MOBP: variants seen among roughly 807,000 people sequenced by gnomAD.
MOBP encodes the protein myelin associated oligodendrocyte basic protein.
A neutral mutation model predicts 15.0 loss-of-function variants in MOBP; 5 were observed. The observed-to-expected ratio is 0.33, with a 90% CI of 0.17 to 0.70. The LOEUF is 0.70. Ranked by LOEUF, MOBP falls within the 30% of genes least tolerant of loss-of-function variation. The probability of loss-of-function intolerance (pLI) is 0.67; values close to 1 mark genes in which losing one functional copy is unlikely to be tolerated. For synonymous variants in MOBP, 88 were observed against 99.0 expected, an observed-to-expected ratio of 0.89 and a Z score of 0.66; for missense variants, 188 against 257.8, an observed-to-expected ratio of 0.73 and a Z score of 1.85.
In MOBP at chr3:39,502,893, C is replaced by A; in HGVS notation, c.*13C>A. 4 of 1,114,712 alleles carry A rather than the reference C, an allele frequency of 3.6e-6. No homozygotes were observed. The highest frequency in any genetic ancestry group is 5.0e-6 in the Non-Finnish European group (4 of 796,540). 69.1% of individuals were successfully genotyped at this position (1,114,712 alleles called of 1,614,324 possible). Reference sequence around the variant, plus strand: ...TAGGTTCTGGTAACACCATCTCTTCCCTTTTGTTCCCCAGCCCTAAGGTTA... The same window carrying A: ...TAGGTTCTGGTAACACCATCTCTTCACTTTTGTTCCCCAGCCCTAAGGTTA... On this transcript the variant is annotated 3_prime_UTR_variant, in exon 4 of 4. Coordinates refer to ENST00000684792, the MANE Select transcript of MOBP (RefSeq NM_001393704.1). The surrounding 1 kb of genome is among the most constrained non-coding windows in gnomAD (Gnocchi z 6.3).
At position 39,521,315 on chromosome 3, in the gene MOBP, T is replaced by C. The variant is rs144535585; in HGVS notation, c.*259-2928T>C. Among the ~76,000 whole-genome samples, 308 of 152,342 alleles carry C rather than the reference T, an allele frequency of 2.0e-3. 1 individual carries two copies. The highest frequency in any genetic ancestry group is 7.0e-3 in the African/African-American group (291 of 41,572). On this transcript the variant is annotated intron_variant and NMD_transcript_variant, in intron 3 of 4. Transcript: ENST00000424090. The stretch of plus-strand genomic sequence containing the variant: ...ATAGAACTAATTTAGAACAATGTTA[T>C]ATAGTGACTTTCTCATACAGGGAAT...
At chr3:39,522,734 T>C (rs1379882759) in intron 3 of MOBP, among the ~76,000 whole-genome samples, 7 of 152,236 alleles carry the variant, frequency 4.6e-5, no homozygotes, top group Non-Finnish European at 7.3e-5. Flanking sequence ...CAGTATCAAC[T>C]TTTACACAAA....
intron 1 of MOBP, among the ~76,000 whole-genome samples, chr3:39,468,786 ATG>A (rs201842900): frequency 2.0e-4 from 10 of 50,840 alleles, no homozygotes; most frequent in South Asian, 1.8e-3. Context: ...ACATATATAC[ATG>A]TGTGTGTATA....
intron 2 of MOBP, among the ~76,000 whole-genome samples, chr3:39,484,989 A>G (rs1007871011): frequency 3.3e-5 from 5 of 152,236 alleles, no homozygotes; most frequent in African/African-American, 7.2e-5. Flanking sequence ...TGGGCCTTCA[A>G]AATAATTAAG....
intron 3 of MOBP, among the ~76,000 whole-genome samples, chr3:39,522,154 A>T (rs886689198): frequency 6.6e-6 from 1 of 152,182 alleles, no homozygotes; most frequent in Non-Finnish European, 1.5e-5. Context: ...TTTGAAGGTT[A>T]TTACTTGTGT....
At chr3:39,473,945 G>T (rs2042505388) in intron 1 of MOBP, among the ~76,000 whole-genome samples, 1 of 152,128 alleles carries the variant, frequency 6.6e-6, no homozygotes. Context: ...TGTATTCTTG[G>T]GCAGGTGTTA....
chr3:39,498,868 G>C (rs116261196), intron 2 of MOBP, among the ~76,000 whole-genome samples: 2 of 152,040 alleles, frequency 1.3e-5, no homozygotes, highest in Non-Finnish European at 2.9e-5. Context: ...TGACTGGGCG[G>C]GGGTGCAGAT....
chr3:39,468,785 C>G (rs59253281), intron 1 of MOBP, among the ~76,000 whole-genome samples: 9,393 of 50,568 alleles, frequency 0.19, 2,810 homozygotes, highest in African/African-American at 0.68. Flanking sequence ...TACATATATA[C>G]ATGTGTGTGT....
At chr3:39,523,459 T>C (rs2043294203) in intron 3 of MOBP, among the ~76,000 whole-genome samples, 1 of 152,244 alleles carries the variant, frequency 6.6e-6, no homozygotes, top group Admixed American at 6.5e-5. Context: ...AGAATTGCAT[T>C]GGATCTGGAG....
rs954102337 is a variant in MOBP at position 39,502,856 on chromosome 3, C to A, written c.528C>A (p.Pro176=). The A allele has an allele frequency of 1.4e-6, 2 of 1,417,640 alleles. No homozygotes were observed. The highest frequency in any genetic ancestry group is 2.2e-5 in the Admixed American group (1 of 46,036). The allele number at this position is 1,417,640 out of a possible 1,614,324, so 87.8% of individuals were successfully genotyped here. ...RGPGASRGGS[P]VKASRFW is the part of the protein sequence containing the mutation. ...CAGGCGCCAGCCGTGGGGGGTCCCC[C>A]GTCAAAGCTTCTAGGTTCTGGTAAC... The change falls in exon 4 of 4, where the codon CCC becomes CCA. Residue 176 remains proline, a synonymous_variant. Coordinates refer to ENST00000684792, the MANE Select transcript of MOBP (RefSeq NM_001393704.1). The surrounding 1 kb of genome is among the most constrained non-coding windows in gnomAD (Gnocchi z 6.3).
chr3:39,512,277 G>A (rs2043129587), intron 4 of MOBP, among the ~76,000 whole-genome samples: 1 of 152,176 alleles, frequency 6.6e-6, no homozygotes. Flanking sequence ...TGCTGAGGGT[G>A]ATGCCTGGGA....
Position 39,502,353 on chromosome 3 carries a change from G to C in MOBP, c.206+78G>C. ...GCTCCCAGCACGCCCCTCCCGCTCC[G>C]CACCCCACTCTTCCCCCTAGTCGGC... On this transcript the variant is annotated intron_variant, in intron 3 of 3. Coordinates refer to ENST00000684792, the MANE Select transcript of MOBP (RefSeq NM_001393704.1). The surrounding 1 kb of genome is among the most constrained non-coding windows in gnomAD (Gnocchi z 6.3). The C allele has an allele frequency of 1.3e-6, 2 of 1,590,736 alleles. No homozygotes were observed. Among genetic ancestry groups the C allele is most frequent in the Admixed American group, 1.8e-5 (1 of 56,742 alleles).
At chr3:39,527,496 A>G (rs1199635573), downstream of MOBP, 2 of 147,804 alleles carry the variant, frequency 1.4e-5, no homozygotes, top group South Asian at 2.1e-4. Flanking sequence ...CTGGAGTGCA[A>G]TGGCACGCAA....
downstream of MOBP, among the ~76,000 whole-genome samples, chr3:39,505,590 C>A (rs2043037875): frequency 6.6e-6 from 1 of 152,174 alleles, no homozygotes. Context: ...AATGCTTATG[C>A]AGAACAGATG....
intron 2 of MOBP, among the ~76,000 whole-genome samples, chr3:39,487,563 G>A (rs554575549): frequency 3.9e-5 from 5 of 126,638 alleles, no homozygotes; most frequent in East Asian, 2.3e-4. Context: ...TCATTCTGTC[G>A]CCCAGGCTGG....
downstream of MOBP, among the ~76,000 whole-genome samples, chr3:39,505,886 G>A (rs376269618): frequency 6.6e-5 from 10 of 152,310 alleles, no homozygotes; most frequent in South Asian, 2.1e-3. Flanking sequence ...TTTGGGAAAA[G>A]CTTTATAGCC....
At chr3:39,467,906 G>C (rs898652940) in intron 1 of MOBP, among the ~76,000 whole-genome samples, 166 bp downstream of exon 1, 2 of 152,142 alleles carry the variant, frequency 1.3e-5, no homozygotes, top group Non-Finnish European at 2.9e-5. Flanking sequence ...CAAGAACAGA[G>C]GACACCATGT....
At chr3:39,486,007 G>A (rs1445540548) in intron 2 of MOBP, among the ~76,000 whole-genome samples, 3 of 152,084 alleles carry the variant, frequency 2.0e-5, no homozygotes, top group Non-Finnish European at 4.4e-5. Context: ...ACGTTTATAT[G>A]TTGGAATATT....
At chr3:39,522,445 C>T (rs1167627899) in intron 3 of MOBP, among the ~76,000 whole-genome samples, 1 of 152,270 alleles carries the variant, frequency 6.6e-6, no homozygotes, top group African/African-American at 2.4e-5. Flanking sequence ...TCCCTCATTT[C>T]TCCCCCCAAT....
Sources: allele counts gnomAD v4.1 joint callset (sites outside exome capture counted in the v4.1 genomes callset), GRCh38; gene constraint gnomAD v4.1.1; non-coding constraint Gnocchi (gnomAD v3.1); transcripts MANE v1.5; gene names NCBI Gene and HGNC (gene_info 2026-07-23, HGNC 2026-07-21).